Variants in NHP2 observed in about 807,000 individuals in gnomAD.
NHP2 encodes the protein H/ACA ribonucleoprotein complex subunit 2.
NHP2 carries 10 observed loss-of-function variants against 16.7 expected under a neutral mutation model. That is an observed-to-expected ratio of 0.60 (90% confidence interval 0.37 to 1.01). NHP2 has a LOEUF of 1.01. Among genes scored for constraint, NHP2 ranks in the 50% least tolerant of loss-of-function variants. The probability of loss-of-function intolerance (pLI) is 0.01; values close to 1 mark genes in which losing one functional copy is unlikely to be tolerated. For synonymous variants in NHP2, 87 were observed against 78.9 expected (o/e 1.10, Z -0.54); for missense variants, 184 against 198.3 (o/e 0.93, Z 0.43).
Position 178,149,911 on chromosome 5 carries a change from A to C in NHP2, c.337-73T>G. ...TATGCCAGGAAGTCACCAACTGATGACCCACCAGCCTAATCTGGCCCACAA... is the reference window on the plus strand; with the variant it reads ...TATGCCAGGAAGTCACCAACTGATGCCCCACCAGCCTAATCTGGCCCACAA... On this transcript the variant is annotated intron_variant, in intron 3 of 3. Coordinates refer to ENST00000274606, the MANE Select transcript of NHP2 (RefSeq NM_017838.4). The C allele has an allele frequency of 1.9e-6, 3 of 1,548,642 alleles. No homozygotes were observed. The African/African-American group carries it at 4.1e-5, about 21-fold the overall frequency.
chr5:178,149,467 A>C lies in NHP2; in HGVS notation c.*246T>G, dbSNP rs775624576. ...AACACCCACAGACTCACCACATTTT[A>C]GTCTTAGCATTTACTTTCCCCACCC... is the stretch of plus-strand genomic sequence containing the variant. On this transcript the variant is annotated 3_prime_UTR_variant, in exon 4 of 4. Transcript: ENST00000274606. The C allele has an allele frequency of 1.0e-5, 5 of 479,594 alleles. No individual in the cohort carries two copies. The highest frequency in any genetic ancestry group is 1.9e-5 in the Non-Finnish European group (5 of 258,504). 29.7% of individuals were successfully genotyped at this position (479,594 alleles called of 1,614,324 possible).
At position 178,153,363 on chromosome 5, in the gene NHP2, C is replaced by T. The variant is rs1756321333; in HGVS notation, c.230+128G>A. 4.5e-6 allele frequency: 4 copies of T among 898,380 alleles called. No individual in the cohort carries two copies. In the South Asian group the frequency reaches 5.4e-5, roughly 12 times the overall value. 55.7% of individuals were successfully genotyped at this position (898,380 alleles called of 1,614,324 possible). A position where few individuals can be genotyped will look rare whatever the true frequency, so the allele number is the denominator to read the frequency against. On this transcript the variant is annotated intron_variant, in intron 2 of 3. Coordinates refer to ENST00000274606, the MANE Select transcript of NHP2 (RefSeq NM_017838.4). ...CCGGTATTGTACCAAAGGGACTTTA[C>T]CGACTGCTTGATTGGCTTCTGTATA...
Position 178,149,605 on chromosome 5 carries a change from G to A in NHP2, c.*108C>T. 6.8e-7 allele frequency: 1 copy of A among 1,470,092 alleles called. No individual in the cohort carries two copies. The allele number at this position is 1,470,092 out of a possible 1,614,324, so 91.1% of individuals were successfully genotyped here. A position where few individuals can be genotyped will look rare whatever the true frequency, so the allele number is the denominator to read the frequency against. ...CTGCCTGGGAAGAAGGCGTGCCTTGGGGAACTGGGAAGATGCCGTCAGTGT... is the reference window on the plus strand; with the variant it reads ...CTGCCTGGGAAGAAGGCGTGCCTTGAGGAACTGGGAAGATGCCGTCAGTGT... On this transcript the variant is annotated 3_prime_UTR_variant, in exon 4 of 4. Transcript: ENST00000274606.
chr5:178,153,746 G>A lies in NHP2; in HGVS notation c.72C>T (p.Tyr24=), dbSNP rs202221169. 172 of 1,613,524 alleles carry A rather than the reference G, an allele frequency of 1.1e-4. No homozygotes were observed. The highest frequency in any genetic ancestry group is 4.9e-4 in the Middle Eastern group (3 of 6,064). The change falls in exon 1 of 4, where the codon TAC becomes TAT. Residue 24 remains tyrosine, a synonymous_variant. Coordinates refer to ENST00000274606, the MANE Select transcript of NHP2 (RefSeq NM_017838.4). The part of the protein sequence containing the change: ...QAEACSGERT[Y]QELLVNQNPI... ...GGTTCTGGTTGACCAGCAGCTCCTGGTAGGTGCGCTCCCCGGAACACGCCT... is the reference window on the plus strand; with the variant it reads ...GGTTCTGGTTGACCAGCAGCTCCTGATAGGTGCGCTCCCCGGAACACGCCT...
At position 178,149,585 on chromosome 5, in the gene NHP2, TGGG is replaced by T. The variant is rs1756205794; in HGVS notation, c.*125_*127del. ...TCATGAAAGGGCTGTTAGAGCTGCCTGGGAAGAAGGCGTGCCTTGGGGAACTGG... is the reference window on the plus strand; with the variant it reads ...TCATGAAAGGGCTGTTAGAGCTGCCTAAGAAGGCGTGCCTTGGGGAACTGG... On this transcript the variant is annotated 3_prime_UTR_variant, in exon 4 of 4. Transcript: ENST00000274606. 4.9e-6 allele frequency: 6 copies of T among 1,234,910 alleles called. No individual in the cohort carries two copies. In the African/African-American group the frequency reaches 8.9e-5, roughly 18 times the overall value. 76.5% of individuals were successfully genotyped at this position (1,234,910 alleles called of 1,614,324 possible). A position where few individuals can be genotyped will look rare whatever the true frequency, so the allele number is the denominator to read the frequency against.
rs1561645171 is a variant in NHP2, at chr5:178,153,478, G to A, written c.230+13C>T. The A allele has an allele frequency of 6.2e-7, 1 of 1,613,684 alleles. No homozygotes were observed. The highest frequency in any genetic ancestry group is 8.5e-7 in the Non-Finnish European group (1 of 1,179,602). On this transcript the variant is annotated intron_variant, in intron 2 of 3. Transcript: ENST00000274606. Reference sequence around the variant, plus strand: ...TTTAGAAATGCAAAATCCAGAGGAAGGAAGGTTCTTACCCTTTTTCTCCTT... The same window carrying A: ...TTTAGAAATGCAAAATCCAGAGGAAAGAAGGTTCTTACCCTTTTTCTCCTT...
chr5:178,149,634 T>C lies in NHP2; in HGVS notation c.*79A>G, dbSNP rs1756208377. ...ACTGGGAAGATGCCGTCAGTGTGGG[T>C]GGGCAGGAGGACAGCCAGTCGTCCT... On this transcript the variant is annotated 3_prime_UTR_variant, in exon 4 of 4. Coordinates refer to ENST00000274606, the MANE Select transcript of NHP2 (RefSeq NM_017838.4). The C allele has an allele frequency of 1.3e-6, 2 of 1,589,772 alleles. No individual in the cohort carries two copies. Among genetic ancestry groups the C allele is most frequent in the South Asian group, 1.1e-5 (1 of 89,520 alleles).
chr5:178,150,619 C>T (rs905152856), intron 3 of NHP2: 2 of 619,852 alleles, frequency 3.2e-6, no homozygotes, highest in South Asian at 3.1e-5. Context: ...CTGTCCTCAA[C>T]TGATCCTCCT....
Position 178,150,931 on chromosome 5 carries a change from C to T in NHP2, c.293G>A (p.Cys98Tyr). Reference protein sequence around the residue: ...IEVYCHLPVMCEDRNLPYVYI... With the variant: ...IEVYCHLPVMYEDRNLPYVYI... Reference sequence around the variant, plus strand: ...GACATAGGGCAAATTTCGGTCCTCACACATGACTGGGAGATGGCAGTATAC... The same window carrying T: ...GACATAGGGCAAATTTCGGTCCTCATACATGACTGGGAGATGGCAGTATAC... Residue 98 changes from cysteine to tyrosine, a missense_variant, in exon 3 of 4, where the codon TGT becomes TAT. Transcript: ENST00000274606. 6.2e-7 allele frequency: 1 copy of T among 1,614,178 alleles called. No individual in the cohort carries two copies. The highest frequency in any genetic ancestry group is 2.2e-5 in the East Asian group (1 of 44,880).
chr5:178,152,787 A>G (rs929613891), intron 2 of NHP2, among the ~76,000 whole-genome samples: 1 of 152,240 alleles, frequency 6.6e-6, no homozygotes, highest in African/African-American at 2.4e-5. Context: ...GAAAAAGAGT[A>G]CATTCAATTG....
chr5:178,151,485 G>A (rs868135890), intron 2 of NHP2, among the ~76,000 whole-genome samples: 3 of 152,186 alleles, frequency 2.0e-5, no homozygotes, highest in Non-Finnish European at 2.9e-5. Context: ...TTCCTAGCTG[G>A]CCAGGTGTCA....
At chr5:178,153,252 T>C (rs1014532194) in intron 2 of NHP2, 1 of 591,886 alleles carries the variant, frequency 1.7e-6, no homozygotes, top group Non-Finnish European at 3.1e-6. Context: ...GAAGGTGGGT[T>C]TACTCTAAGG....
rs78118854 is a variant in NHP2, at chr5:178,151,269, C to T, written c.231-276G>A. ...ACCAGGAGGTGACACTTGAACAGCACGCTGATGGATGACTGTGTGGCAGGC... is the reference window on the plus strand; with the variant it reads ...ACCAGGAGGTGACACTTGAACAGCATGCTGATGGATGACTGTGTGGCAGGC... On this transcript the variant is annotated intron_variant, in intron 2 of 3. Coordinates refer to ENST00000274606, the MANE Select transcript of NHP2 (RefSeq NM_017838.4). 0.021 allele frequency among the ~76,000 whole-genome samples: 3,150 copies of T among 152,268 alleles called. 40 individuals carry two copies. The highest frequency in any genetic ancestry group is 0.061 in the Middle Eastern group (18 of 294).
intron 2 of NHP2, 59 bp downstream of exon 2, chr5:178,153,432 G>A (rs1338464442): frequency 7.0e-6 from 11 of 1,566,832 alleles, no homozygotes; most frequent in Middle Eastern, 1.9e-4. Context: ...CGCCTACTAA[G>A]TAGAGATTTC....
In NHP2 at chr5:178,149,809, G is replaced by C. The variant is rs2113463130; in HGVS notation, c.366C>G (p.Arg122=). Residue 122 remains arginine (R), a synonymous_variant, in exon 4 of 4, where the codon CGC becomes CGG. Transcript: ENST00000274606. ...GCTTGACCATTATCACACAGGTGGG[G>C]CGCTTGGAGCCTGCGGCTGCACCCA... The part of the protein sequence containing the change: ...TDLGAAAGSK[R]PTCVIMVKPH... 1 of 1,613,902 alleles carries C rather than the reference G, an allele frequency of 6.2e-7. No individual in the cohort carries two copies.
rs1373808491 is a variant in NHP2, at chr5:178,153,765, C to T, written c.53G>A (p.Cys18Tyr). 1.2e-6 allele frequency: 2 copies of T among 1,612,966 alleles called. No homozygotes were observed. Among genetic ancestry groups the T allele is most frequent in the Non-Finnish European group, 1.7e-6 (2 of 1,179,482 alleles). ...PDGPEAQAEACSGERTYQELL... is the reference protein window; with the variant it reads ...PDGPEAQAEAYSGERTYQELL... ...CTCCTGGTAGGTGCGCTCCCCGGAA[C>T]ACGCCTCCGCCTGAGCCTCGGGCCC... Residue 18 changes from cysteine (C) to tyrosine (Y), a missense_variant, in exon 1 of 4, where the codon TGT (cysteine) becomes TAT (tyrosine). By Grantham distance (194) the Cys-to-Tyr change is radical. Transcript: ENST00000274606.
chr5:178,153,390 G>A (rs1756321830), intron 2 of NHP2, 101 bp downstream of exon 2: 4 of 1,198,196 alleles, frequency 3.3e-6, no homozygotes, highest in East Asian at 4.7e-5. Flanking sequence ...TTCTGTATAT[G>A]GGGCTAGGTC....
rs1756202571 is a variant in NHP2 at position 178,149,482 on chromosome 5, T to C, written c.*231A>G. The C allele has an allele frequency of 9.5e-6, 5 of 527,104 alleles. No homozygotes were observed. 32.7% of individuals were successfully genotyped at this position (527,104 alleles called of 1,614,324 possible). Reference sequence around the variant, plus strand: ...ACCACATTTTAGTCTTAGCATTTACTTTCCCCACCCCACATTCTTGGAACA... The same window carrying C: ...ACCACATTTTAGTCTTAGCATTTACCTTCCCCACCCCACATTCTTGGAACA... On this transcript the variant is annotated 3_prime_UTR_variant, in exon 4 of 4. Coordinates refer to ENST00000274606, the MANE Select transcript of NHP2 (RefSeq NM_017838.4).
intron 2 of NHP2, among the ~76,000 whole-genome samples, chr5:178,151,876 G>A (rs1329540315): frequency 1.3e-5 from 2 of 152,134 alleles, no homozygotes; most frequent in African/African-American, 2.4e-5. Flanking sequence ...GTGTGGGGCG[G>A]GGTGGAAGTC....
Sources: gnomAD v4.1 joint callset for allele counts (sites outside exome capture counted in the v4.1 genomes callset) on GRCh38, gnomAD v4.1.1 for gene constraint, MANE v1.5 for transcripts, NCBI Gene and HGNC (gene_info 2026-07-23, HGNC 2026-07-21) for gene names.